MX2: variants seen among roughly 807,000 people sequenced by gnomAD.
The protein encoded by MX2 is interferon-induced GTP-binding protein Mx2.
MX2 carries 51 observed loss-of-function variants against 74.0 expected under a neutral mutation model. The ratio of observed to expected loss-of-function variants is 0.69; its 90% CI spans 0.55 to 0.87. MX2 has a LOEUF of 0.87. MX2 is among the 40% of genes least tolerant of loss of function. The pLI is 0.00. For synonymous variants in MX2, 369 were observed against 339.3 expected, an observed-to-expected ratio of 1.09 and a Z score of -0.96; for missense variants, 832 against 908.7, an observed-to-expected ratio of 0.92 and a Z score of 1.09.
intron 12 of MX2, chr21:41,404,078 C>T (rs1373058133): frequency 5.8e-6 from 1 of 172,350 alleles, no homozygotes; most frequent in Non-Finnish European, 1.2e-5. Flanking sequence ...CCTTCCCGGG[C>T]CTTGGTCCCC....
chr21:41,390,574 C>T lies in MX2; in HGVS notation c.742C>T (p.Leu248Phe). Residue 248 changes from leucine to phenylalanine, a missense_variant, in exon 6 of 14, where the codon CTC becomes TTC. Leu to Phe is a conservative substitution (Grantham distance 22). Transcript: ENST00000330714. ...PRDIGLQIKALIKKYIQRQQT... is the reference protein window; with the variant it reads ...PRDIGLQIKAFIKKYIQRQQT... ...GATTCTTTGGCATCAGATCAAGGCT[C>T]TCATCAAGAAGTACATCCAGAGGCA... 6.2e-7 allele frequency: 1 copy of T among 1,614,130 alleles called. No homozygotes were observed. The highest frequency in any genetic ancestry group is 8.5e-7 in the Non-Finnish European group (1 of 1,180,002).
chr21:41,362,166 G>A (rs1438866963), intron 1 of MX2, 111 bp downstream of exon 1: 1 of 152,284 alleles, frequency 6.6e-6, no homozygotes, highest in South Asian at 2.1e-4. Flanking sequence ...AATGTGGCTT[G>A]TGCTGGGAGG....
intron 1 of MX2, among the ~76,000 whole-genome samples, chr21:41,371,415 A>G (rs2089323278): frequency 6.6e-6 from 1 of 152,178 alleles, no homozygotes; most frequent in African/African-American, 2.4e-5. Context: ...GGCTCCTTCC[A>G]AAGAGGTCTG....
intron 7 of MX2, among the ~76,000 whole-genome samples, chr21:41,396,782 G>A (rs1479039975): frequency 6.6e-6 from 1 of 152,120 alleles, no homozygotes; most frequent in Admixed American, 6.6e-5. Context: ...TCTCCTCCTT[G>A]AGCTGGGAGA....
intron 13 of MX2, 33 bp downstream of exon 13, chr21:41,407,031 C>T: frequency 6.3e-7 from 1 of 1,597,624 alleles, no homozygotes; most frequent in Non-Finnish European, 8.5e-7. Flanking sequence ...GCCGTGCTCT[C>T]TGAAATTTGC....
rs894450682 is a variant in MX2, at chr21:41,388,076, G to A, written c.733-2489G>A. On this transcript the variant is annotated intron_variant, in intron 5 of 13. Transcript: ENST00000330714. The surrounding 1 kb of genome is among the most constrained non-coding windows in gnomAD (Gnocchi z 4.0). ...GCTGCTATCCTGAACCTGGGTTACC[G>A]CCTCTGCTGGCCTCCTGCTGGGTTT... Among the ~76,000 whole-genome samples the A allele has an allele frequency of 6.6e-6, 1 of 152,114 alleles. No homozygotes were observed. Among genetic ancestry groups the A allele is most frequent in the African/African-American group, 2.4e-5 (1 of 41,418 alleles).
chr21:41,373,369 T>C (rs181258675), intron 1 of MX2, among the ~76,000 whole-genome samples: 131 of 152,266 alleles, frequency 8.6e-4, no homozygotes, highest in Non-Finnish European at 3.5e-4. Context: ...TGATGTGACT[T>C]TGGGTGAGCC....
intron 10 of MX2, among the ~76,000 whole-genome samples, chr21:41,400,101 G>A (rs1367359070): frequency 6.6e-6 from 1 of 152,204 alleles, no homozygotes; most frequent in East Asian, 1.9e-4. Flanking sequence ...ACCAGGCACG[G>A]AGCCTTCATT....
At chr21:41,387,058 G>A (rs930480655) in intron 5 of MX2, among the ~76,000 whole-genome samples, 1 of 152,168 alleles carries the variant, frequency 6.6e-6, no homozygotes, top group African/African-American at 2.4e-5. Flanking sequence ...AAAGCTTCCT[G>A]CACGCAATCG....
At chr21:41,391,987 C>T (rs2089666784) in intron 6 of MX2, among the ~76,000 whole-genome samples, 2 of 152,150 alleles carry the variant, frequency 1.3e-5, no homozygotes, top group South Asian at 4.1e-4. Flanking sequence ...CCCTCCTCCA[C>T]CTTCTGACAG....
At chr21:41,399,958 G>A (rs144499058) in intron 10 of MX2, among the ~76,000 whole-genome samples, 2 of 152,336 alleles carry the variant, frequency 1.3e-5, no homozygotes, top group African/African-American at 4.8e-5. Context: ...GCTATCCTGA[G>A]TGCCTGGAGG....
intron 4 of MX2, 89 bp from the exon 5 acceptor site, chr21:41,382,321 G>A (rs1036563517): frequency 2.0e-6 from 3 of 1,472,590 alleles, no homozygotes; most frequent in Admixed American, 4.4e-5. Flanking sequence ...CTCATACCCT[G>A]GAAAGGAGCA....
chr21:41,376,971 T>C lies in MX2; in HGVS notation c.65T>C (p.Leu22Pro), dbSNP rs967026106. Residue 22 changes from leucine (L) to proline (P), a missense_variant, in exon 2 of 14, where the codon CTG becomes CCG. Leu to Pro is a moderately conservative substitution (Grantham distance 98). Coordinates refer to ENST00000330714, the MANE Select transcript of MX2 (RefSeq NM_002463.2). Reference protein sequence around the residue: ...RRSQFSSRKYLKKEMNSFQQQ... With the variant: ...RRSQFSSRKYPKKEMNSFQQQ... ...AGTCAATTTTCTTCTCGAAAATACC[T>C]GAAAAAAGAAATGAATTCCTTCCAG... The C allele has an allele frequency of 1.9e-6, 3 of 1,613,972 alleles. No individual in the cohort carries two copies. In the African/African-American group the frequency reaches 4.0e-5, roughly 22 times the overall value.
intron 6 of MX2, among the ~76,000 whole-genome samples, chr21:41,394,152 G>A (rs2089700696): frequency 6.6e-6 from 1 of 152,112 alleles, no homozygotes; most frequent in Admixed American, 6.6e-5. Flanking sequence ...CATGTCAATC[G>A]GGTCATGCCC....
rs904501257 is a variant in MX2, at chr21:41,380,956, G to A, written c.577+805G>A. 8.5e-5 allele frequency among the ~76,000 whole-genome samples: 13 copies of A among 152,144 alleles called. No homozygotes were observed. The highest frequency in any genetic ancestry group is 1.9e-4 in the Non-Finnish European group (13 of 68,014). On this transcript the variant is annotated intron_variant, in intron 4 of 13. Coordinates refer to ENST00000330714, the MANE Select transcript of MX2 (RefSeq NM_002463.2). The surrounding 1 kb of genome is among the most constrained non-coding windows in gnomAD (Gnocchi z 4.3). ...CTGAATGTACTAAGACTCCCTGCAG[G>A]GAGGAACTAAGTCCAAGGAAGGCCT...
At chr21:41,386,234 A>C (rs2089574330) in intron 5 of MX2, among the ~76,000 whole-genome samples, 2 of 150,380 alleles carry the variant, frequency 1.3e-5, no homozygotes, top group African/African-American at 4.9e-5. Context: ...AAAAAAAAAA[A>C]AAAAAAAAAA....
At chr21:41,392,902 C>T (rs1221765680) in intron 6 of MX2, among the ~76,000 whole-genome samples, 3 of 151,858 alleles carry the variant, frequency 2.0e-5, no homozygotes, top group South Asian at 2.1e-4. Flanking sequence ...GTCAGGAGTT[C>T]GAGACCACCC....
At chr21:41,407,304 T>C (rs2089900108) in intron 13 of MX2, among the ~76,000 whole-genome samples, 1 of 152,188 alleles carries the variant, frequency 6.6e-6, no homozygotes, top group Non-Finnish European at 1.5e-5. Context: ...ACAAAATTAC[T>C]ATGATCAGAA....
chr21:41,381,068 G>A (rs2089483832), intron 4 of MX2, among the ~76,000 whole-genome samples: 1 of 152,172 alleles, frequency 6.6e-6, no homozygotes, highest in South Asian at 2.1e-4. Flanking sequence ...CAGAACCCCT[G>A]TCTGCCTGGA....
Sources: allele counts gnomAD v4.1 joint callset (sites outside exome capture counted in the v4.1 genomes callset), GRCh38; gene constraint gnomAD v4.1.1; non-coding constraint Gnocchi (gnomAD v3.1); transcripts MANE v1.5; gene names NCBI Gene and HGNC (gene_info 2026-07-23, HGNC 2026-07-21).